ATG7: variants seen among roughly 807,000 people sequenced by gnomAD.
The protein encoded by ATG7 is autophagy related 7, also known as ubiquitin-like modifier-activating enzyme ATG7.
A neutral mutation model predicts 82.4 loss-of-function variants in ATG7; 70 were observed. The observed-to-expected ratio is 0.85, with a 90% CI of 0.70 to 1.04. The LOEUF is 1.04. Ranked by LOEUF, ATG7 falls within the 50% of genes least tolerant of loss-of-function variation. The pLI, the probability that ATG7 is intolerant of heterozygous loss-of-function variation, is 0.00. For missense variants in ATG7, 792 were observed against 864.3 expected (o/e 0.92, Z 1.05); for synonymous variants, 287 against 313.0 (o/e 0.92, Z 0.88).
chr3:11,363,285 C>T (rs1307020555), intron 17 of ATG7, among the ~76,000 whole-genome samples: 3 of 151,564 alleles, frequency 2.0e-5, no homozygotes, highest in Middle Eastern at 3.2e-3. Flanking sequence ...TCTTGTTGCC[C>T]AGGCTGGAGT....
intron 19 of ATG7, among the ~76,000 whole-genome samples, chr3:11,389,133 C>G (rs901904477): frequency 6.8e-6 from 1 of 146,048 alleles, no homozygotes; most frequent in African/African-American, 2.5e-5. Context: ...ACTTGGGAGG[C>G]TGAGGCAGAA....
At chr3:11,563,606 A>G in the ATG7 span, among the ~76,000 whole-genome samples, 1 of 152,188 alleles carries the variant, frequency 6.6e-6, no homozygotes, top group Non-Finnish European at 1.5e-5. Flanking sequence ...CGCTCGTAAA[A>G]CGTTGAAATG....
intron 19 of ATG7, among the ~76,000 whole-genome samples, chr3:11,404,263 G>A (rs986113080): frequency 1.3e-5 from 2 of 151,018 alleles, no homozygotes; most frequent in African/African-American, 2.4e-5. Flanking sequence ...AGCCTCCCGA[G>A]TAGCTGGGAT....
At chr3:11,474,816 C>T (rs1007548175) in intron 20 of ATG7, among the ~76,000 whole-genome samples, 1 of 152,008 alleles carries the variant, frequency 6.6e-6, no homozygotes, top group African/African-American at 2.4e-5. Context: ...AGGGAACATC[C>T]CATGTGAAGG....
chr3:11,451,780 A>T (rs1441508917), intron 20 of ATG7, among the ~76,000 whole-genome samples: 1 of 139,238 alleles, frequency 7.2e-6, no homozygotes, highest in Non-Finnish European at 1.5e-5. Flanking sequence ...ATATGTTTAT[A>T]GTCTCAAAAA....
At chr3:11,575,669 T>A in the ATG7 span, among the ~76,000 whole-genome samples, 1 of 152,238 alleles carries the variant, frequency 6.6e-6, no homozygotes. Flanking sequence ...GTGATTTTAG[T>A]TAGAGACCTG....
intron 10 of ATG7, among the ~76,000 whole-genome samples, chr3:11,332,450 TA>T (rs1352632705): frequency 6.6e-6 from 1 of 152,214 alleles, no homozygotes; most frequent in East Asian, 1.9e-4. Flanking sequence ...TTTACTTAAA[TA>T]AAAATGTTTA....
At chr3:11,303,959 C>T (rs926800545) in intron 5 of ATG7, among the ~76,000 whole-genome samples, 187 of 141,996 alleles carry the variant, frequency 1.3e-3, no homozygotes, top group African/African-American at 4.6e-3. Context: ...GGCGTGGTGG[C>T]GGGCGCCTGT....
At chr3:11,447,920 G>A (rs945902237) in intron 20 of ATG7, among the ~76,000 whole-genome samples, 13 of 152,182 alleles carry the variant, frequency 8.5e-5, no homozygotes, top group Non-Finnish European at 1.5e-4. Context: ...ATGGATGGGT[G>A]TTGGGCATAT....
At chr3:11,553,849 GCC>G (rs2072090708) in intron 20 of ATG7, among the ~76,000 whole-genome samples, 1 of 152,160 alleles carries the variant, frequency 6.6e-6, no homozygotes, top group Non-Finnish European at 1.5e-5. Flanking sequence ...ATTTACCTTG[GCC>G]AGGCCTCCCA....
Position 11,492,156 on chromosome 3 carries a change from A to T in ATG7, c.2080-62655A>T, listed in dbSNP as rs113731331. Among the ~76,000 whole-genome samples the T allele has an allele frequency of 3.7e-3, 564 of 152,268 alleles. 2 individuals carry two copies. Among genetic ancestry groups the T allele is most frequent in the African/African-American group, 0.013 (538 of 41,560 alleles). On this transcript the variant is annotated intron_variant, in intron 20 of 20. Coordinates refer to ENST00000693202, the MANE Select transcript of ATG7 (RefSeq NM_001349232.2). ...CCCTCCGAGCCAGGTGTGGAATACA[A>T]TCTCCTGGTGCGCCGTTTTTAAAGC...
intron 18 of ATG7, among the ~76,000 whole-genome samples, chr3:11,367,762 T>G (rs1161217337): frequency 9.9e-5 from 15 of 151,712 alleles, no homozygotes; most frequent in East Asian, 1.9e-4. Context: ...TTTTGGGTTT[T>G]TTTTTTTTTT....
In ATG7 at chr3:11,527,067, G is replaced by GTA. The variant is rs1157835767; in HGVS notation, c.2080-27743_2080-27742insAT. 5.7e-3 allele frequency among the ~76,000 whole-genome samples: 547 copies of GTA among 95,258 alleles called. 1 individual carries two copies. The highest frequency in any genetic ancestry group is 6.9e-3 in the African/African-American group (167 of 24,158). The allele number at this position is 95,258 out of a possible 152,430, so 62.5% of individuals were successfully genotyped here. A position where few individuals can be genotyped will look rare whatever the true frequency, so the allele number is the denominator to read the frequency against. On this transcript the variant is annotated intron_variant, in intron 20 of 20. Coordinates refer to ENST00000693202, the MANE Select transcript of ATG7 (RefSeq NM_001349232.2). ...TGTGTGTGTGTGTGTGTGTGTGTGT[G>GTA]TGTGTATATATATATATATATATAT... is the stretch of plus-strand genomic sequence containing the variant.
At chr3:11,512,421 T>C (rs2092105984) in intron 20 of ATG7, among the ~76,000 whole-genome samples, 1 of 152,210 alleles carries the variant, frequency 6.6e-6, no homozygotes, top group Admixed American at 6.5e-5. Context: ...CTCTCTGAGC[T>C]TTGGTTCTGT....
rs375156407 is a variant in ATG7 at position 11,483,399 on chromosome 3, G to A, written c.2079+56473G>A. Among the ~76,000 whole-genome samples, 98 of 152,106 alleles carry A rather than the reference G, an allele frequency of 6.4e-4. 4 individuals carry two copies. The South Asian group carries it at 0.019, about 30-fold the overall frequency. ...CAGATATCCACTGAGCTCCCAACAC[G>A]CACAGATCTTGCTTTCCTTTTTCTG... On this transcript the variant is annotated intron_variant, in intron 20 of 20. Coordinates refer to ENST00000693202, the MANE Select transcript of ATG7 (RefSeq NM_001349232.2).
At chr3:11,377,863 G>T (rs918050619) in intron 18 of ATG7, among the ~76,000 whole-genome samples, 1 of 151,898 alleles carries the variant, frequency 6.6e-6, no homozygotes, top group Admixed American at 6.6e-5. Flanking sequence ...CTGCTATTTT[G>T]ATGTCTCCTA....
At chr3:11,372,322 G>T (rs1344783464) in intron 18 of ATG7, among the ~76,000 whole-genome samples, 1 of 150,758 alleles carries the variant, frequency 6.6e-6, no homozygotes, top group Non-Finnish European at 1.5e-5. Flanking sequence ...TTTTTTTCTA[G>T]ACGTTTCTAT....
chr3:11,276,915 T>C (rs1941929375), intron 1 of ATG7, among the ~76,000 whole-genome samples: 1 of 152,196 alleles, frequency 6.6e-6, no homozygotes, highest in South Asian at 2.1e-4. Context: ...AGTCTAAAAC[T>C]AAGCTCCTCA....
At chr3:11,363,830 T>C (rs2076426889) in intron 17 of ATG7, among the ~76,000 whole-genome samples, 1 of 152,236 alleles carries the variant, frequency 6.6e-6, no homozygotes, top group Non-Finnish European at 1.5e-5. Context: ...TTCTATTTCT[T>C]GTGTGACTCA....
Sources: allele counts gnomAD v4.1 joint callset (sites outside exome capture counted in the v4.1 genomes callset), GRCh38; gene constraint gnomAD v4.1.1; transcripts MANE v1.5; gene names NCBI Gene and HGNC (gene_info 2026-07-23, HGNC 2026-07-21).